Variants in PAM observed in about 807,000 individuals in gnomAD.
PAM encodes the protein peptidyl-glycine alpha-amidating monooxygenase.
PAM carries 72 observed loss-of-function variants against 122.1 expected under a neutral mutation model. The ratio of observed to expected loss-of-function variants is 0.59; its 90% CI spans 0.49 to 0.72. PAM has a LOEUF of 0.72. PAM is among the 30% of genes least tolerant of loss of function. The probability of loss-of-function intolerance (pLI) is 0.00; values close to 1 mark genes in which losing one functional copy is unlikely to be tolerated. For synonymous variants in PAM, 389 were observed against 404.4 expected (o/e 0.96, Z 0.46); for missense variants, 1,106 against 1,183.7 (o/e 0.93, Z 0.96).
intron 23 of PAM, among the ~76,000 whole-genome samples, chr5:103,023,986 C>A (rs776961017): frequency 6.6e-5 from 10 of 152,128 alleles, no homozygotes; most frequent in Non-Finnish European, 1.3e-4. Flanking sequence ...TAAGCTGAAT[C>A]TATACCTACT....
intron 1 of PAM, among the ~76,000 whole-genome samples, chr5:102,841,796 CAG>C (rs1488011620): frequency 6.6e-6 from 1 of 152,040 alleles, no homozygotes; most frequent in East Asian, 1.9e-4. Context: ...CAACAAAATA[CAG>C]ACACATAAGA....
intron 7 of PAM, among the ~76,000 whole-genome samples, chr5:102,940,115 T>TACAC (rs66466018): frequency 0.019 from 2,492 of 134,418 alleles, 43 homozygotes; most frequent in African/African-American, 0.047. Flanking sequence ...TATGTATACA[T>TACAC]ACACACACAC....
chr5:103,003,958 A>C (rs943070742), intron 17 of PAM, among the ~76,000 whole-genome samples: 8 of 151,214 alleles, frequency 5.3e-5, no homozygotes, highest in African/African-American at 1.7e-4. Context: ...TGGCAGCCAA[A>C]AAAAAAAAAA....
chr5:102,921,596 G>T (rs1350380460), intron 5 of PAM, among the ~76,000 whole-genome samples: 1 of 151,994 alleles, frequency 6.6e-6, no homozygotes, highest in East Asian at 1.9e-4. Flanking sequence ...GTAAAACAGG[G>T]TTTTAAAAAT....
At chr5:102,916,650 T>TTA (rs1273898752) in intron 5 of PAM, among the ~76,000 whole-genome samples, 281 of 146,768 alleles carry the variant, frequency 1.9e-3, no homozygotes, top group Middle Eastern at 3.6e-3. Flanking sequence ...ATATATTCCT[T>TTA]TATATATATA....
At chr5:102,804,354 G>T (rs1247191217) in intron 1 of PAM, among the ~76,000 whole-genome samples, 1 of 152,096 alleles carries the variant, frequency 6.6e-6, no homozygotes. Context: ...CTGGAGTCAG[G>T]GAAGCCAGAA....
intron 3 of PAM, among the ~76,000 whole-genome samples, chr5:102,884,113 A>C (rs149789504): frequency 2.0e-5 from 3 of 152,050 alleles, no homozygotes; most frequent in African/African-American, 7.2e-5. Context: ...GGAGTAAGTT[A>C]TAAAGAGTCA....
At chr5:102,939,902 A>AT (rs1346547950) in intron 7 of PAM, among the ~76,000 whole-genome samples, 2 of 152,110 alleles carry the variant, frequency 1.3e-5, no homozygotes, top group South Asian at 2.1e-4. Context: ...GACCTTAAAA[A>AT]ATATATATAT....
Position 102,844,590 on chromosome 5 carries a change from C to G in PAM, c.-373-21233C>G, listed in dbSNP as rs574381281. On this transcript the variant is annotated intron_variant, in intron 1 of 25. Transcript: ENST00000438793. ...GTCTATGGTCAGAGGATCCTTGAGC[C>G]CAGGAGTTCGAAGCTGCAGTGAGCT... Among the ~76,000 whole-genome samples the G allele has an allele frequency of 3.0e-4, 45 of 152,138 alleles. 1 individual carries two copies. In the South Asian group the frequency reaches 6.2e-3, roughly 21 times the overall value.
intron 22 of PAM, among the ~76,000 whole-genome samples, 179 bp from the exon 23 acceptor site, chr5:103,019,611 T>C (rs781599739): frequency 3.3e-5 from 5 of 152,258 alleles, no homozygotes; most frequent in Non-Finnish European, 5.9e-5. Flanking sequence ...TAGGAGATTT[T>C]ATCCAGGATT....
At chr5:102,889,762 T>TGATA (rs1158451534) in intron 3 of PAM, among the ~76,000 whole-genome samples, 1 of 151,900 alleles carries the variant, frequency 6.6e-6, no homozygotes, top group Non-Finnish European at 1.5e-5. Flanking sequence ...GCCCCCTTAT[T>TGATA]GGGCCTGTCT....
chr5:102,859,936 G>GCTATACCATCTA (rs1783688785), intron 1 of PAM, among the ~76,000 whole-genome samples: 1 of 152,134 alleles, frequency 6.6e-6, no homozygotes, highest in Non-Finnish European at 1.5e-5. Context: ...GTGTGTCATA[G>GCTATACCATCTA]GCTATACCAT....
intron 1 of PAM, among the ~76,000 whole-genome samples, chr5:102,816,513 C>T (rs1284358076): frequency 6.6e-6 from 1 of 152,054 alleles, no homozygotes; most frequent in Non-Finnish European, 1.5e-5. Flanking sequence ...TTTTGAGAAC[C>T]CTCCTCTCCT....
At chr5:102,781,487 T>C (rs1381182439) in intron 1 of PAM, among the ~76,000 whole-genome samples, 1 of 152,176 alleles carries the variant, frequency 6.6e-6, no homozygotes, top group Non-Finnish European at 1.5e-5. Flanking sequence ...TACAAGTGAG[T>C]AAAAACCTAA....
intron 4 of PAM, 79 bp from the exon 5 acceptor site, chr5:102,913,855 G>A: frequency 7.4e-6 from 6 of 812,088 alleles, no homozygotes; most frequent in Non-Finnish European, 1.3e-5. Context: ...TATTTGAACT[G>A]TTCAAAGATG....
intron 1 of PAM, among the ~76,000 whole-genome samples, chr5:102,843,599 A>C (rs1464483533): frequency 6.6e-6 from 1 of 152,206 alleles, no homozygotes; most frequent in East Asian, 1.9e-4. Flanking sequence ...AAATATTTGC[A>C]AACCAGAAAT....
chr5:103,002,205 A>G (rs1163537605), intron 16 of PAM, among the ~76,000 whole-genome samples: 2 of 152,244 alleles, frequency 1.3e-5, no homozygotes, highest in Admixed American at 6.5e-5. Flanking sequence ...CAGAAAATGA[A>G]ATAAGTACCA....
chr5:102,941,213 C>T (rs900519499), intron 7 of PAM, among the ~76,000 whole-genome samples: 1 of 152,220 alleles, frequency 6.6e-6, no homozygotes, highest in African/African-American at 2.4e-5. Context: ...TTCCTGCCTT[C>T]CATTTGATCT....
chr5:102,911,235 GA>G (rs1220070279), intron 4 of PAM, among the ~76,000 whole-genome samples: 2 of 152,014 alleles, frequency 1.3e-5, no homozygotes, highest in East Asian at 3.9e-4. Context: ...TTTAGGATAT[GA>G]AAAAAGATGG....
Sources: allele counts gnomAD v4.1 joint callset (sites outside exome capture counted in the v4.1 genomes callset), GRCh38; gene constraint gnomAD v4.1.1; transcripts MANE v1.5; gene names NCBI Gene and HGNC (gene_info 2026-07-23, HGNC 2026-07-21).